The following ARVCF variants were observed in gnomAD, a reference collection of about 807,000 sequenced individuals.
The protein encoded by ARVCF is splicing regulator ARVCF.
Under a neutral mutation model 90.9 loss-of-function variants are expected in ARVCF, and 66 were observed. The observed-to-expected ratio is 0.73, with a 90% CI of 0.60 to 0.89. ARVCF has a LOEUF of 0.89. Among genes scored for constraint, ARVCF ranks in the 40% least tolerant of loss-of-function variants. The probability of loss-of-function intolerance (pLI) is 0.00; values close to 1 mark genes in which losing one functional copy is unlikely to be tolerated. For missense variants in ARVCF, 1,469 were observed against 1,382.3 expected, an observed-to-expected ratio of 1.06 and a Z score of -1.00; for synonymous variants, 653 against 603.4, an observed-to-expected ratio of 1.08 and a Z score of -1.21.
intron 2 of ARVCF, among the ~76,000 whole-genome samples, chr22:19,995,073 G>C (rs573448848): frequency 6.6e-6 from 1 of 151,730 alleles, no homozygotes; most frequent in Non-Finnish European, 1.5e-5. Context: ...GGATGGATGA[G>C]TAATAGATTT....
chr22:20,011,816 C>T (rs973601403), intron 1 of ARVCF, among the ~76,000 whole-genome samples: 2 of 152,104 alleles, frequency 1.3e-5, no homozygotes, highest in African/African-American at 2.4e-5. Context: ...CTGGTTTTAG[C>T]TTAAGTGTTC....
intron 2 of ARVCF, among the ~76,000 whole-genome samples, chr22:20,005,424 G>A (rs1944586866): frequency 6.6e-6 from 1 of 151,548 alleles, no homozygotes; most frequent in African/African-American, 2.4e-5. Context: ...AGACCCTTGT[G>A]CACTGCTGGT....
chr22:20,010,945 C>A (rs1055117633), intron 1 of ARVCF, among the ~76,000 whole-genome samples: 1 of 152,256 alleles, frequency 6.6e-6, no homozygotes, highest in East Asian at 1.9e-4. Context: ...GGCGAGGCCA[C>A]GTGCCTCTCC....
chr22:20,007,573 A>G (rs1944676968), intron 2 of ARVCF, among the ~76,000 whole-genome samples: 1 of 152,230 alleles, frequency 6.6e-6, no homozygotes. Context: ...TGAAGGTAGG[A>G]CCTCTAAGAG....
chr22:19,973,265 C>A lies in ARVCF; in HGVS notation c.2292G>T (p.Pro764=). Residue 764 remains proline (P), a synonymous_variant, in exon 14 of 20, where the codon CCG becomes CCT. Transcript: ENST00000263207. The stretch of plus-strand genomic sequence containing the variant: ...CCTCCAGGCAGGCCCCCGGTCGCGG[C>A]GGAGCCTGTGCATTGCGCACATTCC... ...LVRNVRNAQA[P]PRPGACLEED... 1.2e-6 allele frequency: 2 copies of A among 1,608,580 alleles called. No individual in the cohort carries two copies. The highest frequency in any genetic ancestry group is 2.2e-5 in the East Asian group (1 of 44,690).
chr22:19,991,023 G>A (rs1944005982), intron 2 of ARVCF, among the ~76,000 whole-genome samples: 1 of 152,264 alleles, frequency 6.6e-6, no homozygotes, highest in African/African-American at 2.4e-5. Context: ...CATGGGTTTT[G>A]GGACTCTAAC....
intron 12 of ARVCF, 70 bp downstream of exon 12, chr22:19,974,042 G>C: frequency 6.5e-7 from 1 of 1,549,782 alleles, no homozygotes; most frequent in Non-Finnish European, 8.7e-7. Flanking sequence ...CGAGGCAGGA[G>C]CTGCACCAGT....
chr22:20,002,283 C>T (rs1728180194), intron 2 of ARVCF, among the ~76,000 whole-genome samples: 1 of 152,122 alleles, frequency 6.6e-6, no homozygotes, highest in Admixed American at 6.5e-5. Context: ...GGAGGGTGCC[C>T]AGCTCTGACC....
At chr22:19,986,470 T>C (rs1298850576) in intron 3 of ARVCF, among the ~76,000 whole-genome samples, 4 of 152,014 alleles carry the variant, frequency 2.6e-5, no homozygotes, top group Non-Finnish European at 5.9e-5. Context: ...TCCTTAGAGA[T>C]CTCCTCCAGC....
chr22:19,969,060 T>G, downstream of ARVCF: 1 of 253,266 alleles, frequency 3.9e-6, no homozygotes, highest in African/African-American at 2.3e-5. Flanking sequence ...TCAACTGCCA[T>G]TCCCCTGCTG....
intron 3 of ARVCF, among the ~76,000 whole-genome samples, chr22:19,984,794 A>C (rs780735200): frequency 1.3e-3 from 205 of 152,298 alleles, no homozygotes; most frequent in Non-Finnish European, 1.7e-3. Context: ...ACAGAGTCTC[A>C]ACACACAGGG....
Position 19,974,755 on chromosome 22 carries a change from T to C in ARVCF, c.1961-516A>G, listed in dbSNP as rs191831273. 2.3e-4 allele frequency among the ~76,000 whole-genome samples: 35 copies of C among 150,378 alleles called. No homozygotes were observed. The East Asian group carries it at 6.1e-3, about 26-fold the overall frequency. On this transcript the variant is annotated intron_variant, in intron 11 of 19. Coordinates refer to ENST00000263207, the MANE Select transcript of ARVCF (RefSeq NM_001670.3). ...AGGGCCCACCCTCCCCCACTGACAA[T>C]AGAGCCCACCCTCTGTAAGTCAACT...
intron 3 of ARVCF, among the ~76,000 whole-genome samples, chr22:19,985,643 G>A (rs574246140): frequency 6.6e-6 from 1 of 152,274 alleles, no homozygotes; most frequent in African/African-American, 2.4e-5. Context: ...AACACACAGA[G>A]GGATGCTGGG....
At chr22:19,987,274 C>G in intron 3 of ARVCF, 2 of 38,432 alleles carry the variant, frequency 5.2e-5, no homozygotes, top group Non-Finnish European at 1.1e-4. Context: ...TGGGGCGTGG[C>G]GGGGGCCGGG....
intron 2 of ARVCF, among the ~76,000 whole-genome samples, chr22:19,992,075 G>A (rs749143095): frequency 1.3e-5 from 2 of 152,340 alleles, no homozygotes; most frequent in African/African-American, 4.8e-5. Context: ...GAAAAGCAGC[G>A]CTGGGCTCAG....
At chr22:20,012,565 C>A (rs1173251138) in intron 1 of ARVCF, among the ~76,000 whole-genome samples, 1 of 152,276 alleles carries the variant, frequency 6.6e-6, no homozygotes, top group East Asian at 1.9e-4. Context: ...GGACCCAGTA[C>A]CAGCCGCCTC....
At chr22:20,006,701 G>A (rs1028750864) in intron 2 of ARVCF, among the ~76,000 whole-genome samples, 4 of 150,560 alleles carry the variant, frequency 2.7e-5, no homozygotes, top group East Asian at 4.1e-4. Flanking sequence ...GCGCGATCTC[G>A]GCTCACTGCA....
intron 1 of ARVCF, among the ~76,000 whole-genome samples, chr22:20,012,923 G>A (rs1944889461): frequency 6.6e-6 from 1 of 152,246 alleles, no homozygotes; most frequent in Non-Finnish European, 1.5e-5. Flanking sequence ...CTGGGATGGA[G>A]GATGCAGCCT....
intron 1 of ARVCF, among the ~76,000 whole-genome samples, chr22:20,014,158 G>T (rs2146520067): frequency 6.6e-6 from 1 of 150,966 alleles, no homozygotes; most frequent in Non-Finnish European, 1.5e-5. Context: ...GGGATTACAG[G>T]TACGAGCCAC....
Sources: gnomAD v4.1 joint callset for allele counts (sites outside exome capture counted in the v4.1 genomes callset) on GRCh38, gnomAD v4.1.1 for gene constraint, MANE v1.5 for transcripts, NCBI Gene and HGNC (gene_info 2026-07-23, HGNC 2026-07-21) for gene names.